The following CUL1 variants were observed in gnomAD, a reference collection of about 807,000 sequenced individuals.
The protein encoded by CUL1 is cullin 1.
CUL1 carries 24 observed loss-of-function variants against 118.0 expected under a neutral mutation model. The ratio of observed to expected loss-of-function variants is 0.20; its 90% CI spans 0.15 to 0.29. The LOEUF (loss-of-function observed/expected upper bound fraction) is 0.29, where lower values mean the gene tolerates loss of function less well. Ranked by LOEUF, CUL1 falls within the 10% of genes least tolerant of loss-of-function variation. The pLI is 1.00. For synonymous variants in CUL1, 332 were observed against 340.4 expected (o/e 0.98, Z 0.27); for missense variants, 361 against 933.8 (o/e 0.39, Z 7.99).
chr7:148,717,640 T>A (rs1371182892), intron 1 of CUL1, among the ~76,000 whole-genome samples: 1 of 152,064 alleles, frequency 6.6e-6, no homozygotes, highest in East Asian at 1.9e-4. Context: ...TTGCATCCTC[T>A]TCCCACTGAC....
chr7:148,711,937 C>T (rs1798067552), intron 1 of CUL1, among the ~76,000 whole-genome samples: 1 of 152,200 alleles, frequency 6.6e-6, no homozygotes, highest in African/African-American at 2.4e-5. Flanking sequence ...CGGAAGTGGA[C>T]CTCACGTGCA....
intron 7 of CUL1, among the ~76,000 whole-genome samples, chr7:148,764,794 C>G (rs1799950666): frequency 6.6e-6 from 1 of 152,132 alleles, no homozygotes; most frequent in Admixed American, 6.6e-5. Context: ...TAACTGTAGA[C>G]TTTTTGGAAA....
At chr7:148,785,261 G>A (rs1342716129) in intron 11 of CUL1, among the ~76,000 whole-genome samples, 2 of 152,114 alleles carry the variant, frequency 1.3e-5, no homozygotes, top group African/African-American at 2.4e-5. Flanking sequence ...CTTTAAATTG[G>A]AAGGCCTCTG....
intron 2 of CUL1, among the ~76,000 whole-genome samples, chr7:148,737,300 G>A (rs1168013737): frequency 6.6e-6 from 1 of 151,302 alleles, no homozygotes; most frequent in African/African-American, 2.4e-5. Flanking sequence ...TGAACATTAT[G>A]TAACACATTT....
intron 1 of CUL1, among the ~76,000 whole-genome samples, chr7:148,711,600 T>C (rs1323421562): frequency 6.6e-6 from 1 of 152,136 alleles, no homozygotes; most frequent in African/African-American, 2.4e-5. Flanking sequence ...AAACGGGAAG[T>C]GTATTTGAAA....
At chr7:148,745,544 AGGTACTTC>A (rs1256687500) in intron 2 of CUL1, among the ~76,000 whole-genome samples, 7 of 152,226 alleles carry the variant, frequency 4.6e-5, no homozygotes, top group Non-Finnish European at 7.3e-5. Context: ...AAATGTGGTT[AGGTACTTC>A]GGTACATTTA....
At chr7:148,778,641 G>C (rs1800506027) in intron 9 of CUL1, among the ~76,000 whole-genome samples, 1 of 152,214 alleles carries the variant, frequency 6.6e-6, no homozygotes, top group African/African-American at 2.4e-5. Flanking sequence ...CTAGAGGTAA[G>C]ACTGTGGACA....
At chr7:148,783,240 G>T (rs1037865869) in intron 9 of CUL1, 2 of 734,736 alleles carry the variant, frequency 2.7e-6, no homozygotes, top group African/African-American at 1.9e-5. Context: ...CCTGCGCCGC[G>T]CTCCGCCCCT....
intron 2 of CUL1, among the ~76,000 whole-genome samples, chr7:148,752,972 A>G (rs1232808417): frequency 6.6e-6 from 1 of 152,108 alleles, no homozygotes; most frequent in South Asian, 2.1e-4. Flanking sequence ...TTTTTGTGTG[A>G]TCTTACTTAG....
At chr7:148,733,476 A>G (rs1267128697) in intron 2 of CUL1, among the ~76,000 whole-genome samples, 1 of 152,174 alleles carries the variant, frequency 6.6e-6, no homozygotes, top group African/African-American at 2.4e-5. Context: ...ATATGTTGCC[A>G]TTATTGCTGT....
chr7:148,769,593 T>C (rs1237338931), intron 9 of CUL1, among the ~76,000 whole-genome samples: 1 of 152,204 alleles, frequency 6.6e-6, no homozygotes, highest in Non-Finnish European at 1.5e-5. Flanking sequence ...TGACTTTCCT[T>C]GAAATGAGTT....
At chr7:148,793,172 G>A (rs927371091) in intron 17 of CUL1, among the ~76,000 whole-genome samples, 3 of 151,926 alleles carry the variant, frequency 2.0e-5, no homozygotes, top group Admixed American at 6.6e-5. Flanking sequence ...ATAAAACTAC[G>A]TGTAACACAC....
rs183086240 is a variant in CUL1 at position 148,793,173 on chromosome 7, T to C, written c.1899+355T>C. Among the ~76,000 whole-genome samples, 43 of 152,202 alleles carry C rather than the reference T, an allele frequency of 2.8e-4. 1 individual carries two copies. The East Asian group carries it at 8.3e-3, about 29-fold the overall frequency. ...CCTGTCTCTTAAAAATAAAACTACG[T>C]GTAACACACACACACATACTCCTCA... On this transcript the variant is annotated intron_variant, in intron 17 of 21. Coordinates refer to ENST00000325222, the MANE Select transcript of CUL1 (RefSeq NM_003592.3).
At chr7:148,769,234 A>G (rs919882352) in intron 9 of CUL1, among the ~76,000 whole-genome samples, 2 of 152,214 alleles carry the variant, frequency 1.3e-5, no homozygotes, top group Non-Finnish European at 2.9e-5. Flanking sequence ...TAAACAATAC[A>G]TGTAAAGTGC....
At chr7:148,798,078 T>A in intron 19 of CUL1, 59 bp downstream of exon 19, 1 of 998,510 alleles carries the variant, frequency 1.0e-6, no homozygotes, top group Non-Finnish European at 1.5e-6. Context: ...CCGGGAGCCC[T>A]AGCACGGATC....
At chr7:148,726,801 C>T (rs1319707709) in intron 1 of CUL1, among the ~76,000 whole-genome samples, 1 of 130,078 alleles carries the variant, frequency 7.7e-6, no homozygotes, top group East Asian at 2.2e-4. Context: ...ATGCATAGCA[C>T]ATAAAGTAAC....
At chr7:148,759,266 G>A (rs772409135) in intron 4 of CUL1, 38 bp from the exon 5 acceptor site, 58 of 1,583,930 alleles carry the variant, frequency 3.7e-5, no homozygotes, top group Non-Finnish European at 4.9e-5. Flanking sequence ...GGAAAAACAT[G>A]GTAAAAGTAT....
intron 9 of CUL1, chr7:148,783,540 T>C: frequency 7.2e-7 from 1 of 1,390,324 alleles, no homozygotes; most frequent in Non-Finnish European, 9.3e-7. Flanking sequence ...TAATGCAAGC[T>C]CGGAATCAAT....
In CUL1 at chr7:148,698,910, G is replaced by C. The variant is rs1797613611; in HGVS notation, c.-281G>C. On this transcript the variant is annotated 5_prime_UTR_variant, in exon 1 of 22. Transcript: ENST00000325222. ...CGTGTCGCACGCAGCTCCAGGCGGG[G>C]CAGCCCCGGTAGCTGAGGGACGCAG... 1.3e-5 allele frequency: 2 copies of C among 154,140 alleles called. No individual in the cohort carries two copies. Among genetic ancestry groups the C allele is most frequent in the Non-Finnish European group, 2.9e-5 (2 of 69,090 alleles). 9.5% of individuals were successfully genotyped at this position (154,140 alleles called of 1,614,324 possible). A position where few individuals can be genotyped will look rare whatever the true frequency, so the allele number is the denominator to read the frequency against.
Sources: allele counts gnomAD v4.1 joint callset (sites outside exome capture counted in the v4.1 genomes callset), GRCh38; gene constraint gnomAD v4.1.1; transcripts MANE v1.5; gene names NCBI Gene and HGNC (gene_info 2026-07-23, HGNC 2026-07-21).